MALRD1: variants seen among roughly 807,000 people sequenced by gnomAD.
MALRD1 encodes MAM and LDL receptor class A domain containing 1.
In MALRD1, 247 loss-of-function variants were observed where a neutral mutation model predicts 242.1. That is an observed-to-expected ratio of 1.02 (90% CI 0.92 to 1.13). The LOEUF (loss-of-function observed/expected upper bound fraction) is 1.13, where lower values mean the gene tolerates loss of function less well. MALRD1 is among the 50% of genes most tolerant of loss of function. MALRD1 has a pLI of 0.00. For missense variants in MALRD1, 2,989 were observed against 2,533.1 expected (o/e 1.18, Z -3.86); for synonymous variants, 995 against 866.6 (o/e 1.15, Z -2.60).
At chr10:19,425,846 A>G (rs897488811) in intron 28 of MALRD1, among the ~76,000 whole-genome samples, 4 of 152,156 alleles carry the variant, frequency 2.6e-5, no homozygotes, top group Non-Finnish European at 5.9e-5. Context: ...TTGTCCTTAG[A>G]GTCTCCTTCG....
chr10:19,330,698 A>G (rs1003531937), intron 23 of MALRD1, among the ~76,000 whole-genome samples: 1 of 152,220 alleles, frequency 6.6e-6, no homozygotes, highest in Non-Finnish European at 1.5e-5. Context: ...TTGTAAAAGC[A>G]TTAATGATTC....
intron 24 of MALRD1, among the ~76,000 whole-genome samples, chr10:19,341,948 G>A (rs1303026909): frequency 6.6e-6 from 1 of 151,098 alleles, no homozygotes; most frequent in African/African-American, 2.4e-5. Context: ...TTTTTGAGTT[G>A]ATGTGTTCAC....
At chr10:19,377,081 A>G (rs981680931) in intron 26 of MALRD1, among the ~76,000 whole-genome samples, 1 of 152,212 alleles carries the variant, frequency 6.6e-6, no homozygotes, top group African/African-American at 2.4e-5. Context: ...GCAAACTATA[A>G]CATATTATTA....
chr10:19,605,953 A>G (rs551691343), intron 34 of MALRD1, among the ~76,000 whole-genome samples: 14 of 152,246 alleles, frequency 9.2e-5, no homozygotes, highest in South Asian at 2.1e-4. Flanking sequence ...GTGAATTGAT[A>G]TTCTAGCACC....
At chr10:19,313,968 C>A (rs967748031) in intron 21 of MALRD1, among the ~76,000 whole-genome samples, 1 of 151,414 alleles carries the variant, frequency 6.6e-6, no homozygotes, top group Non-Finnish European at 1.5e-5. Context: ...AAAGAGAAAT[C>A]TAAAAGCACT....
intron 26 of MALRD1, among the ~76,000 whole-genome samples, chr10:19,362,833 C>T (rs1351368369): frequency 6.6e-6 from 1 of 151,982 alleles, no homozygotes; most frequent in African/African-American, 2.4e-5. Context: ...TGAAGTTATG[C>T]AAGCAAGAAA....
At chr10:19,625,043 C>T (rs183197886) in intron 36 of MALRD1, among the ~76,000 whole-genome samples, 48 of 130,662 alleles carry the variant, frequency 3.7e-4, no homozygotes, top group African/African-American at 1.0e-3. Flanking sequence ...TGTGACTGAA[C>T]GAGAGCCTAT....
chr10:19,679,755 T>A (rs1564536049), intron 36 of MALRD1, among the ~76,000 whole-genome samples: 1 of 152,152 alleles, frequency 6.6e-6, no homozygotes, highest in Non-Finnish European at 1.5e-5. Flanking sequence ...GGATGTCAAT[T>A]TGAGATCTTT....
intron 28 of MALRD1, among the ~76,000 whole-genome samples, chr10:19,392,918 G>A (rs1176368161): frequency 1.3e-5 from 2 of 152,146 alleles, no homozygotes; most frequent in African/African-American, 2.4e-5. Flanking sequence ...CAAACACTGT[G>A]TGCATGAGAT....
chr10:19,381,555 C>A (rs192821961), intron 26 of MALRD1, among the ~76,000 whole-genome samples: 1 of 151,630 alleles, frequency 6.6e-6, no homozygotes, highest in Non-Finnish European at 1.5e-5. Flanking sequence ...TGGCCAGGCA[C>A]GGTGGCTCAC....
chr10:19,182,201 A>G (rs570026263), intron 14 of MALRD1, among the ~76,000 whole-genome samples: 7 of 152,102 alleles, frequency 4.6e-5, no homozygotes, highest in African/African-American at 1.4e-4. Flanking sequence ...TTACCTATAT[A>G]GTCTTTTAAT....
At chr10:19,111,266 T>A (rs1367638888) in intron 5 of MALRD1, among the ~76,000 whole-genome samples, 3 of 152,282 alleles carry the variant, frequency 2.0e-5, no homozygotes, top group East Asian at 3.9e-4. Flanking sequence ...AAGATGAATA[T>A]TCAAAGGAAA....
intron 5 of MALRD1, among the ~76,000 whole-genome samples, chr10:19,119,301 T>G (rs1490615484): frequency 7.2e-5 from 11 of 152,170 alleles, no homozygotes; most frequent in Admixed American, 7.2e-4. Context: ...GGGTTCACCT[T>G]GCCAGCTGCC....
intron 19 of MALRD1, among the ~76,000 whole-genome samples, chr10:19,268,709 T>C (rs1840069423): frequency 1.3e-5 from 2 of 152,182 alleles, no homozygotes; most frequent in Admixed American, 6.5e-5. Context: ...TGTTAAAATG[T>C]TGGTTTTATT....
intron 31 of MALRD1, among the ~76,000 whole-genome samples, chr10:19,509,208 C>T (rs61841370): frequency 1.2e-4 from 19 of 152,074 alleles, no homozygotes; most frequent in African/African-American, 4.6e-4. Context: ...ATGAATTGGG[C>T]AATACTCAGA....
At chr10:19,557,695 G>A (rs1383268591) in intron 32 of MALRD1, among the ~76,000 whole-genome samples, 1 of 151,012 alleles carries the variant, frequency 6.6e-6, no homozygotes, top group Non-Finnish European at 1.5e-5. Flanking sequence ...GATGTCTAAA[G>A]TCTGGTAGTG....
chr10:19,251,037 G>T (rs902275445), intron 18 of MALRD1, among the ~76,000 whole-genome samples: 1 of 151,914 alleles, frequency 6.6e-6, no homozygotes. Flanking sequence ...CGGCAGGTGG[G>T]TAGTTGAATC....
intron 38 of MALRD1, among the ~76,000 whole-genome samples, chr10:19,719,028 C>G (rs73597604): frequency 0.029 from 4,340 of 150,232 alleles, 221 homozygotes; most frequent in African/African-American, 0.099. Context: ...CTGGTCATGG[C>G]GGTACGTGGC....
At chr10:19,345,480 T>G (rs954448289) in intron 24 of MALRD1, among the ~76,000 whole-genome samples, 1 of 151,974 alleles carries the variant, frequency 6.6e-6, no homozygotes, top group African/African-American at 2.4e-5. Context: ...TGACATCTAC[T>G]CCCCAGTCCT....
Sources: allele counts gnomAD v4.1 joint callset (sites outside exome capture counted in the v4.1 genomes callset), GRCh38; gene constraint gnomAD v4.1.1; transcripts MANE v1.5; gene names NCBI Gene and HGNC (gene_info 2026-07-23, HGNC 2026-07-21).